Variants in PRELID2 observed in about 807,000 individuals in gnomAD.
PRELID2 encodes the protein PRELI domain-containing protein 2.
A neutral mutation model predicts 28.4 loss-of-function variants in PRELID2; 25 were observed. The ratio of observed to expected loss-of-function variants is 0.88; its 90% CI spans 0.64 to 1.23. The LOEUF (loss-of-function observed/expected upper bound fraction) is 1.23. Among genes scored for constraint, PRELID2 ranks in the 50% most tolerant of loss-of-function variants. PRELID2 has a pLI of 0.00. For missense variants in PRELID2, 201 were observed against 214.4 expected, an observed-to-expected ratio of 0.94 and a Z score of 0.39; for synonymous variants, 76 against 71.6, an observed-to-expected ratio of 1.06 and a Z score of -0.31.
At chr5:145,614,250 T>C (rs141971898) in intron 1 of PRELID2, among the ~76,000 whole-genome samples, 1,554 of 152,350 alleles carry the variant, frequency 0.01, 8 homozygotes, top group Middle Eastern at 0.024. Flanking sequence ...AATCAGGTAG[T>C]GTGATGCCTC....
chr5:145,770,930 T>C (rs1177978881), intron 5 of PRELID2, among the ~76,000 whole-genome samples: 1 of 152,154 alleles, frequency 6.6e-6, no homozygotes, highest in African/African-American at 2.4e-5. Context: ...ATTTTGTTAT[T>C]GAATAAACAA....
the PRELID2 span, among the ~76,000 whole-genome samples, chr5:145,424,506 C>T: frequency 2.0e-5 from 3 of 152,200 alleles, no homozygotes; most frequent in African/African-American, 7.2e-5. Context: ...TTTCCAGGTG[C>T]CGTCAGTCAC....
intron 1 of PRELID2, among the ~76,000 whole-genome samples, chr5:145,655,506 A>C (rs542103855): frequency 1.2e-3 from 181 of 152,208 alleles, no homozygotes; most frequent in Non-Finnish European, 1.9e-3. Flanking sequence ...ACTATACTAC[A>C]AGGCTACAGT....
intron 1 of PRELID2, among the ~76,000 whole-genome samples, chr5:145,697,702 G>A (rs1755311483): frequency 6.6e-6 from 1 of 152,066 alleles, no homozygotes; most frequent in Admixed American, 6.6e-5. Context: ...AAGATTTGGG[G>A]GAAATTGTCA....
chr5:145,478,275 C>T (rs917589816), intron 1 of PRELID2, among the ~76,000 whole-genome samples: 1 of 152,124 alleles, frequency 6.6e-6, no homozygotes, highest in African/African-American at 2.4e-5. Flanking sequence ...AGGTCAGGTG[C>T]AGTGGCTCAC....
chr5:145,626,662 C>T (rs544984217), intron 1 of PRELID2, among the ~76,000 whole-genome samples: 1 of 152,130 alleles, frequency 6.6e-6, no homozygotes, highest in South Asian at 2.1e-4. Context: ...CCAGCAATCC[C>T]ACTACTGGGT....
At chr5:145,497,741 T>G (rs941352369) in intron 1 of PRELID2, among the ~76,000 whole-genome samples, 3 of 152,268 alleles carry the variant, frequency 2.0e-5, no homozygotes, top group South Asian at 2.1e-4. Context: ...GCTAAAATAT[T>G]TTGAGGTTTA....
At chr5:145,483,768 T>C (rs1468639572) in intron 1 of PRELID2, among the ~76,000 whole-genome samples, 2 of 152,206 alleles carry the variant, frequency 1.3e-5, no homozygotes, top group African/African-American at 4.8e-5. Context: ...CCTATGTCCT[T>C]ACCTATCACA....
At chr5:145,452,752 G>A in the PRELID2 span, among the ~76,000 whole-genome samples, 1 of 151,992 alleles carries the variant, frequency 6.6e-6, no homozygotes, top group Non-Finnish European at 1.5e-5. Flanking sequence ...AAGGAAGAAA[G>A]AGAGGTGAGA....
At chr5:145,739,220 G>A (rs1005028239) in intron 1 of PRELID2, among the ~76,000 whole-genome samples, 1 of 152,102 alleles carries the variant, frequency 6.6e-6, no homozygotes, top group African/African-American at 2.4e-5. Flanking sequence ...GAAATTTTGA[G>A]AGGGGCTGGG....
chr5:145,402,844 A>C, the PRELID2 span, among the ~76,000 whole-genome samples: 89,579 of 152,022 alleles, frequency 0.59, 26,757 homozygotes, highest in South Asian at 0.8. Context: ...ATCCTGGTTT[A>C]TTTCAGGTAA....
intron 5 of PRELID2, among the ~76,000 whole-genome samples, chr5:145,776,837 A>C (rs1168205935): frequency 1.3e-5 from 2 of 152,228 alleles, no homozygotes; most frequent in Non-Finnish European, 2.9e-5. Context: ...GATTTGGTTG[A>C]GATATCCCTG....
chr5:145,266,369 AAAGGGCT>A, the PRELID2 span, among the ~76,000 whole-genome samples: 260 of 152,210 alleles, frequency 1.7e-3, 3 homozygotes, highest in African/African-American at 5.9e-3. Flanking sequence ...CAAAAAAAAA[AAAGGGCT>A]AAGGACATGA....
chr5:145,419,054 T>A, the PRELID2 span, among the ~76,000 whole-genome samples: 10 of 150,242 alleles, frequency 6.7e-5, no homozygotes, highest in Non-Finnish European at 1.3e-4. Context: ...ACAAAGGACA[T>A]GAACTCATCA....
In PRELID2 at chr5:145,482,238, C is replaced by T. The variant is rs1444129671; in HGVS notation, n.71-8923G>A. 2.0e-5 allele frequency among the ~76,000 whole-genome samples: 3 copies of T among 152,184 alleles called. No individual in the cohort carries two copies. In the East Asian group the frequency reaches 5.8e-4, roughly 29 times the overall value. ...AAGCACCTCATAGTAATCTGTTCCC[C>T]ATTTGGAATCTTATCACATAGTCAC... On this transcript the variant is annotated intron_variant and non_coding_transcript_variant, in intron 1 of 2. Transcript: ENST00000510259.
the PRELID2 span, among the ~76,000 whole-genome samples, chr5:145,383,211 T>C: frequency 5.3e-5 from 8 of 151,814 alleles, no homozygotes; most frequent in South Asian, 1.7e-3. Flanking sequence ...TGTGTGTATA[T>C]ATATCTTACA....
intron 1 of PRELID2, among the ~76,000 whole-genome samples, chr5:145,611,921 A>C (rs1753622701): frequency 6.6e-6 from 1 of 152,206 alleles, no homozygotes; most frequent in African/African-American, 2.4e-5. Context: ...TACAGTTATT[A>C]TGAAAATGTC....
At chr5:145,644,584 T>A (rs908304072) in intron 1 of PRELID2, among the ~76,000 whole-genome samples, 3 of 152,172 alleles carry the variant, frequency 2.0e-5, no homozygotes, top group African/African-American at 7.2e-5. Flanking sequence ...CTCTTGCTTC[T>A]CTGGTTCTTT....
chr5:145,518,033 C>A (rs1177439961), intron 1 of PRELID2, among the ~76,000 whole-genome samples: 2 of 151,842 alleles, frequency 1.3e-5, no homozygotes, highest in African/African-American at 4.8e-5. Flanking sequence ...GGAGAAATAC[C>A]TAATGTAGAT....
Sources: allele counts gnomAD v4.1 joint callset (sites outside exome capture counted in the v4.1 genomes callset), GRCh38; gene constraint gnomAD v4.1.1; transcripts MANE v1.5; gene names NCBI Gene and HGNC (gene_info 2026-07-23, HGNC 2026-07-21).